AGBL4: variants seen among roughly 807,000 people sequenced by gnomAD.
The protein encoded by AGBL4 is cytosolic carboxypeptidase 6.
Under a neutral mutation model 66.4 loss-of-function variants are expected in AGBL4, and 58 were observed. The ratio of observed to expected loss-of-function variants is 0.87; its 90% CI spans 0.71 to 1.09. The LOEUF is 1.09. Ranked by LOEUF, AGBL4 falls within the 50% of genes least tolerant of loss-of-function variation. The pLI is 0.00. For missense variants in AGBL4, 579 were observed against 631.0 expected (o/e 0.92, Z 0.88); for synonymous variants, 234 against 222.9 (o/e 1.05, Z -0.44).
chr1:48,556,312 A>G (rs1423416842), intron 11 of AGBL4, among the ~76,000 whole-genome samples: 1 of 152,090 alleles, frequency 6.6e-6, no homozygotes, highest in African/African-American at 2.4e-5. Context: ...CACACCTCTG[A>G]CGGGCCAGCT....
At chr1:49,799,916 TTATG>T in intron 2 of AGBL4, among the ~76,000 whole-genome samples, 1 of 152,246 alleles carries the variant, frequency 6.6e-6, no homozygotes, top group South Asian at 2.1e-4. Flanking sequence ...TTAGCTTTCT[TTATG>T]TATAGATAAA....
At chr1:48,715,226 C>T (rs1647030340) in intron 6 of AGBL4, among the ~76,000 whole-genome samples, 2 of 152,014 alleles carry the variant, frequency 1.3e-5, no homozygotes, top group South Asian at 2.1e-4. Flanking sequence ...CACCCCATAC[C>T]CCTCCTCGGG....
intron 1 of AGBL4, among the ~76,000 whole-genome samples, chr1:49,991,192 A>G (rs1022012638): frequency 3.3e-5 from 5 of 152,196 alleles, no homozygotes; most frequent in African/African-American, 7.2e-5. Context: ...TTTATGAGAC[A>G]GAACATTATG....
At chr1:49,792,114 T>C (rs1644616410) in intron 2 of AGBL4, among the ~76,000 whole-genome samples, 1 of 152,120 alleles carries the variant, frequency 6.6e-6, no homozygotes, top group African/African-American at 2.4e-5. Flanking sequence ...GTAACTTTCA[T>C]CACTTGTCTT....
rs1309414855 is a variant in AGBL4 at position 49,113,141 on chromosome 1, G to A, written c.378-67341C>T. On this transcript the variant is annotated intron_variant, in intron 4 of 13. Coordinates refer to ENST00000371839, the MANE Select transcript of AGBL4 (RefSeq NM_032785.4). ...AATTTTTTGTATTTTTAGTAGAGAC[G>A]GGGTTTCACCATGTTAGCCAGGATG... is the stretch of plus-strand genomic sequence containing the variant. Among the ~76,000 whole-genome samples, 10 of 151,094 alleles carry A rather than the reference G, an allele frequency of 6.6e-5. 2 individuals carry two copies. The highest frequency in any genetic ancestry group is 7.1e-3 in the Middle Eastern group (2 of 280).
intron 1 of AGBL4, among the ~76,000 whole-genome samples, chr1:49,881,183 C>G (rs1158807685): frequency 6.6e-6 from 1 of 152,144 alleles, no homozygotes; most frequent in Non-Finnish European, 1.5e-5. Context: ...TTGATGATTT[C>G]CAATTTCATC....
At chr1:49,664,595 T>G (rs1646327804) in intron 3 of AGBL4, among the ~76,000 whole-genome samples, 1 of 152,072 alleles carries the variant, frequency 6.6e-6, no homozygotes, top group Non-Finnish European at 1.5e-5. Flanking sequence ...CATTGCTTCT[T>G]TCTGATCAAT....
intron 3 of AGBL4, among the ~76,000 whole-genome samples, chr1:49,481,954 C>T (rs893859228): frequency 1.3e-5 from 2 of 150,594 alleles, no homozygotes; most frequent in African/African-American, 4.9e-5. Context: ...TTGACCCAAT[C>T]TTGCATCCTG....
At chr1:49,165,872 A>G (rs1047686793) in intron 4 of AGBL4, among the ~76,000 whole-genome samples, 4 of 152,002 alleles carry the variant, frequency 2.6e-5, no homozygotes, top group Non-Finnish European at 5.9e-5. Flanking sequence ...ACTCAATACT[A>G]TTAATAATAA....
chr1:49,519,445 A>G (rs1403789925), intron 3 of AGBL4, among the ~76,000 whole-genome samples: 1 of 152,124 alleles, frequency 6.6e-6, no homozygotes, highest in African/African-American at 2.4e-5. Context: ...TCATACAATT[A>G]GTTTGCTTTT....
intron 2 of AGBL4, among the ~76,000 whole-genome samples, chr1:49,706,448 T>C (rs893656431): frequency 1.3e-5 from 2 of 152,156 alleles, no homozygotes; most frequent in Non-Finnish European, 2.9e-5. Context: ...TTTTCTTCTT[T>C]ATTAGTCTGG....
chr1:49,567,375 C>T (rs955151126), intron 3 of AGBL4, among the ~76,000 whole-genome samples: 16 of 152,316 alleles, frequency 1.1e-4, no homozygotes, highest in Non-Finnish European at 1.9e-4. Flanking sequence ...GCAGAAATCA[C>T]CCGTCTTCTG....
chr1:48,843,206 TAA>T (rs113729403), intron 6 of AGBL4, among the ~76,000 whole-genome samples: 1 of 151,998 alleles, frequency 6.6e-6, no homozygotes, highest in East Asian at 1.9e-4. Context: ...GGGTACCTTA[TAA>T]AAAAAATTTA....
chr1:48,890,241 T>C (rs1650806728), intron 5 of AGBL4, among the ~76,000 whole-genome samples: 1 of 152,130 alleles, frequency 6.6e-6, no homozygotes, highest in Non-Finnish European at 1.5e-5. Flanking sequence ...ATACCCAGAA[T>C]ACCTATGGTA....
chr1:48,695,561 C>T (rs1646701514), intron 6 of AGBL4, among the ~76,000 whole-genome samples: 1 of 152,176 alleles, frequency 6.6e-6, no homozygotes, highest in Non-Finnish European at 1.5e-5. Flanking sequence ...TCCCCACCCC[C>T]TCCCCTTTAA....
chr1:49,018,061 A>C (rs893331242), intron 5 of AGBL4, among the ~76,000 whole-genome samples: 1 of 152,142 alleles, frequency 6.6e-6, no homozygotes, highest in Admixed American at 6.5e-5. Flanking sequence ...TAAGCCTAAA[A>C]CCTAGGAATA....
At chr1:48,650,473 CCTTCCTTCTTTA>C (rs1473807675) in intron 8 of AGBL4, among the ~76,000 whole-genome samples, 1 of 149,822 alleles carries the variant, frequency 6.7e-6, no homozygotes, top group African/African-American at 2.5e-5. Context: ...TTCCTTCCTT[CCTTCCTTCTTTA>C]CTTCCTTCCT....
chr1:49,058,333 G>A (rs1241219829), intron 4 of AGBL4, among the ~76,000 whole-genome samples: 1 of 152,134 alleles, frequency 6.6e-6, no homozygotes, highest in Admixed American at 6.5e-5. Flanking sequence ...CCATGCTGCT[G>A]TTCTTGTGAT....
chr1:49,271,635 T>C (rs930395991), intron 3 of AGBL4, among the ~76,000 whole-genome samples: 1 of 152,112 alleles, frequency 6.6e-6, no homozygotes, highest in African/African-American at 2.4e-5. Context: ...CTAAAACCCT[T>C]TTTAAATTAT....
Sources: allele counts gnomAD v4.1 joint callset (sites outside exome capture counted in the v4.1 genomes callset), GRCh38; gene constraint gnomAD v4.1.1; transcripts MANE v1.5; gene names NCBI Gene and HGNC (gene_info 2026-07-23, HGNC 2026-07-21).